RHEX: variants seen among roughly 807,000 people sequenced by gnomAD.
The protein encoded by RHEX is regulator of hemoglobinization and erythroid cell expansion protein.
Under a neutral mutation model 20.1 loss-of-function variants are expected in RHEX, and 18 were observed. The observed-to-expected ratio is 0.90, with a 90% CI of 0.62 to 1.33. The LOEUF (loss-of-function observed/expected upper bound fraction) is 1.33, where lower values mean the gene tolerates loss of function less well. RHEX is among the 40% of genes most tolerant of loss of function. RHEX has a pLI of 0.00. For synonymous variants in RHEX, 87 were observed against 77.1 expected (o/e 1.13, Z -0.67); for missense variants, 192 against 214.3 (o/e 0.90, Z 0.65).
intron 1 of RHEX, among the ~76,000 whole-genome samples, chr1:206,058,184 G>A (rs1553282848): frequency 6.6e-6 from 1 of 152,264 alleles, no homozygotes; most frequent in Admixed American, 6.5e-5. Context: ...CCAGCAATAG[G>A]TGGATTTAAA....
At chr1:206,058,446 C>A (rs1394519606) in intron 1 of RHEX, among the ~76,000 whole-genome samples, 1 of 151,808 alleles carries the variant, frequency 6.6e-6, no homozygotes. Context: ...AAGAGAGAGA[C>A]CCTCTCATAT....
intron 1 of RHEX, among the ~76,000 whole-genome samples, chr1:206,083,243 C>A (rs562891533): frequency 2.4e-4 from 36 of 152,326 alleles, no homozygotes; most frequent in Non-Finnish European, 4.3e-4. Flanking sequence ...CACATTGGTG[C>A]CAGAGCTGGG....
At chr1:206,090,202 C>CTTTTTTTTTTTT in intron 1 of RHEX, among the ~76,000 whole-genome samples, 2 of 112,554 alleles carry the variant, frequency 1.8e-5, no homozygotes, top group African/African-American at 7.1e-5. Flanking sequence ...TCTTTTCTTT[C>CTTTTTTTTTTTT]TTTTTTTTTT....
rs1553288325 is a variant in RHEX, at chr1:206,101,150, C to A, written c.271C>A (p.Pro91Thr). ...TTTCTCCCCAGATGACAGCGACACA[C>A]CCTCAGATAGCTTGGATAGCTCCTG... ...DSLYRHDSDT[P>T]SDSLDSSCSS... Residue 91 changes from proline (P) to threonine (T), a missense_variant, in exon 5 of 6, where the codon CCC becomes ACC. By Grantham distance (38) the Pro-to-Thr change is conservative (BLOSUM62 -1). Transcript: ENST00000331555. The A allele has an allele frequency of 6.2e-7, 1 of 1,613,074 alleles. No individual in the cohort carries two copies.
At position 206,101,908 on chromosome 1, in the gene RHEX, C is replaced by T. The variant is rs1553288496; in HGVS notation, c.475C>T (p.Pro159Ser). 5.0e-6 allele frequency: 8 copies of T among 1,613,986 alleles called. No homozygotes were observed. The South Asian group carries it at 5.5e-5, about 11-fold the overall frequency. ...HKPSFWYFVNPALSEPAEYDQ... is the reference protein window; with the variant it reads ...HKPSFWYFVNSALSEPAEYDQ... ...GCCCAGTTTCTGGTATTTTGTCAACCCTGCTCTGTCTGAGCCAGCGGAATA... is the reference window on the plus strand; with the variant it reads ...GCCCAGTTTCTGGTATTTTGTCAACTCTGCTCTGTCTGAGCCAGCGGAATA... The change falls in exon 6 of 6, where the codon CCT becomes TCT. Residue 159 changes from proline to serine, a missense_variant. Physicochemically the swap from Pro to Ser is moderately conservative, Grantham distance 74 (BLOSUM62 -1). Coordinates refer to ENST00000331555, the MANE Select transcript of RHEX (RefSeq NM_001007544.4).
intron 1 of RHEX, among the ~76,000 whole-genome samples, chr1:206,087,285 C>T (rs1035751915): frequency 5.9e-5 from 9 of 152,184 alleles, no homozygotes; most frequent in Admixed American, 5.2e-4. Context: ...AAGCTGTCCC[C>T]AAAGCCAGGG....
In RHEX at chr1:206,063,287, AG is replaced by A. The variant is rs1349046619; in HGVS notation, c.-97+10023del. Among the ~76,000 whole-genome samples the A allele has an allele frequency of 3.3e-5, 5 of 152,092 alleles. No homozygotes were observed. The South Asian group carries it at 1.0e-3, about 32-fold the overall frequency. ...AGGATCACAGCAAAGATGTGGGGAGAGTCAGGGTTCTTCACTATTAGGAGGG... is the reference window on the plus strand; with the variant it reads ...AGGATCACAGCAAAGATGTGGGGAGATCAGGGTTCTTCACTATTAGGAGGG... On this transcript the variant is annotated intron_variant, in intron 1 of 5. Coordinates refer to ENST00000331555, the MANE Select transcript of RHEX (RefSeq NM_001007544.4).
At chr1:206,074,358 A>C (rs1662592987) in intron 1 of RHEX, among the ~76,000 whole-genome samples, 1 of 152,258 alleles carries the variant, frequency 6.6e-6, no homozygotes, top group Admixed American at 6.5e-5. Flanking sequence ...ATAGTGGACT[A>C]TCAAGAAATA....
intron 1 of RHEX, among the ~76,000 whole-genome samples, chr1:206,088,945 A>C (rs1553286662): frequency 6.6e-6 from 1 of 151,962 alleles, no homozygotes; most frequent in Non-Finnish European, 1.5e-5. Context: ...TCAGCCTCCC[A>C]AGTATCTGGG....
At chr1:206,069,355 C>CT (rs1345280901) in intron 1 of RHEX, among the ~76,000 whole-genome samples, 17 of 152,210 alleles carry the variant, frequency 1.1e-4, no homozygotes, top group Admixed American at 4.6e-4. Flanking sequence ...ACCGCAGGAT[C>CT]TTACTGGGCT....
intron 1 of RHEX, among the ~76,000 whole-genome samples, chr1:206,059,972 C>T (rs1456629757): frequency 1.3e-5 from 2 of 152,176 alleles, no homozygotes; most frequent in Admixed American, 1.3e-4. Flanking sequence ...CCTAGCACTG[C>T]ACATCCTGGT....
At position 206,102,158 on chromosome 1, in the gene RHEX, G is replaced by A. The variant is rs545421531; in HGVS notation, c.*206G>A. On this transcript the variant is annotated 3_prime_UTR_variant, in exon 6 of 6. Transcript: ENST00000331555. The stretch of plus-strand genomic sequence containing the variant: ...TGGTCTGTACCCAAAAAAGCTGTTC[G>A]TTCCTCAAAAACAAAAACAAGGCTT... 75 of 581,410 alleles carry A rather than the reference G, an allele frequency of 1.3e-4. No individual in the cohort carries two copies. The highest frequency in any genetic ancestry group is 1.1e-3 in the South Asian group (52 of 46,914). 36.0% of individuals were successfully genotyped at this position (581,410 alleles called of 1,614,324 possible).
intron 1 of RHEX, among the ~76,000 whole-genome samples, chr1:206,070,419 G>T (rs1662504075): frequency 6.6e-6 from 1 of 152,102 alleles, no homozygotes; most frequent in African/African-American, 2.4e-5. Flanking sequence ...TGTGACTGTT[G>T]TTATCTCTCC....
chr1:206,065,249 T>C (rs913324280), intron 1 of RHEX, among the ~76,000 whole-genome samples: 68 of 149,890 alleles, frequency 4.5e-4, no homozygotes, highest in African/African-American at 1.7e-3. Context: ...TCCCCCTCTG[T>C]GAGAAACACC....
At chr1:206,065,466 T>A (rs1662404560) in intron 1 of RHEX, among the ~76,000 whole-genome samples, 1 of 152,080 alleles carries the variant, frequency 6.6e-6, no homozygotes, top group Non-Finnish European at 1.5e-5. Context: ...TTGAGGTCAG[T>A]CTGTGGATGG....
rs1026260649 is a variant in RHEX at position 206,077,973 on chromosome 1, G to C, written c.-96-19760G>C. ...GCCAGATTGTCCACATGGGTGCTGA[G>C]ATAGTGACACCTTTGCTTTCTGAGG... On this transcript the variant is annotated intron_variant, in intron 1 of 5. Coordinates refer to ENST00000331555, the MANE Select transcript of RHEX (RefSeq NM_001007544.4). Among the ~76,000 whole-genome samples, 4 of 152,162 alleles carry C rather than the reference G, an allele frequency of 2.6e-5. No individual in the cohort carries two copies. In the East Asian group the frequency reaches 5.8e-4, roughly 22 times the overall value.
In RHEX at chr1:206,083,411, G is replaced by T. The variant is rs1380524632; in HGVS notation, c.-96-14322G>T. The T allele has an allele frequency of 4.3e-6, 3 of 692,830 alleles. No homozygotes were observed. In the African/African-American group the frequency reaches 5.8e-5, roughly 13 times the overall value. 42.9% of individuals were successfully genotyped at this position (692,830 alleles called of 1,614,324 possible). A position where few individuals can be genotyped will look rare whatever the true frequency, so the allele number is the denominator to read the frequency against. On this transcript the variant is annotated intron_variant, in intron 1 of 5. Coordinates refer to ENST00000331555, the MANE Select transcript of RHEX (RefSeq NM_001007544.4). ...TGTCTGTACCAGGGAGCTGGGCAGAGCATGGCCAAAAGAGACAGGAGGCAT... is the reference window on the plus strand; with the variant it reads ...TGTCTGTACCAGGGAGCTGGGCAGATCATGGCCAAAAGAGACAGGAGGCAT...
intron 1 of RHEX, among the ~76,000 whole-genome samples, chr1:206,071,859 CAA>C (rs1245558004): frequency 6.6e-4 from 31 of 47,254 alleles, no homozygotes; most frequent in Admixed American, 9.6e-4. Flanking sequence ...TCCAACAACT[CAA>C]AAAAAAAAAA....
chr1:206,059,847 C>A (rs1662275834), intron 1 of RHEX, among the ~76,000 whole-genome samples: 1 of 152,180 alleles, frequency 6.6e-6, no homozygotes, highest in South Asian at 2.1e-4. Flanking sequence ...TTCTCCCCTT[C>A]CCCACCAGAG....
Sources: gnomAD v4.1 joint callset for allele counts (sites outside exome capture counted in the v4.1 genomes callset) on GRCh38, gnomAD v4.1.1 for gene constraint, MANE v1.5 for transcripts, NCBI Gene and HGNC (gene_info 2026-07-23, HGNC 2026-07-21) for gene names.